Variants in HLA-DMB observed in about 807,000 individuals in gnomAD.
HLA-DMB encodes the protein major histocompatibility complex, class II, DM beta.
In HLA-DMB, 18 loss-of-function variants were observed where a neutral mutation model predicts 29.3. That is an observed-to-expected ratio of 0.62 (90% CI 0.43 to 0.91). The LOEUF (loss-of-function observed/expected upper bound fraction) is 0.91. Ranked by LOEUF, HLA-DMB falls within the 40% of genes least tolerant of loss-of-function variation. The probability of loss-of-function intolerance (pLI) is 0.00; values close to 1 mark genes in which losing one functional copy is unlikely to be tolerated. For synonymous variants in HLA-DMB, 143 were observed against 128.7 expected, an observed-to-expected ratio of 1.11 and a Z score of -0.75; for missense variants, 258 against 320.9, an observed-to-expected ratio of 0.80 and a Z score of 1.50.
intron 1 of HLA-DMB, among the ~76,000 whole-genome samples, chr6:32,940,542 T>G (rs917333128): frequency 2.0e-5 from 3 of 152,212 alleles, no homozygotes; most frequent in Non-Finnish European, 4.4e-5. Context: ...AGATGAACAT[T>G]GTCCTTGCCT....
rs192029404 is a variant in HLA-DMB, at chr6:32,936,482, T to C, written c.622+690A>G. On this transcript the variant is annotated intron_variant, in intron 3 of 5. Transcript: ENST00000418107. ...TTCCTCTTCCTCATTTCTTCCTCTT[T>C]CTTTTCCAAGAGTCCCCAAAGCTGT... 5.8e-3 allele frequency: 890 copies of C among 152,588 alleles called. 4 individuals carry two copies. Among genetic ancestry groups the C allele is most frequent in the South Asian group, 0.023 (112 of 4,830 alleles). 9.5% of individuals were successfully genotyped at this position (152,588 alleles called of 1,614,324 possible).
chr6:32,935,744 G>A (rs1318431937), intron 3 of HLA-DMB, 92 bp from the exon 4 acceptor site: 2 of 838,598 alleles, frequency 2.4e-6, no homozygotes, highest in Non-Finnish European at 4.0e-6. Flanking sequence ...TGGGTTAAAA[G>A]GTCCTTTATC....
At chr6:32,939,804 C>A (rs1776242107) in intron 1 of HLA-DMB, among the ~76,000 whole-genome samples, 1 of 152,026 alleles carries the variant, frequency 6.6e-6, no homozygotes, top group Non-Finnish European at 1.5e-5. Context: ...GTTCCATAAG[C>A]CACTTTAGCA....
intron 3 of HLA-DMB, 169 bp from the exon 4 acceptor site, chr6:32,935,821 C>T (rs1316877440): frequency 6.5e-6 from 4 of 613,838 alleles, no homozygotes; most frequent in Non-Finnish European, 1.2e-5. Context: ...ATCAAACCCT[C>T]GTCCCATGGA....
At position 32,940,519 on chromosome 6, in the gene HLA-DMB, G is replaced by A. The variant is rs185576515; in HGVS notation, c.55+234C>T. On this transcript the variant is annotated intron_variant, in intron 1 of 5. Transcript: ENST00000418107. ...AGGCACTGTGCTAGGAGCTGAGGAGGCAGCAATAAATAAGATGAACATTGT... is the reference window on the plus strand; with the variant it reads ...AGGCACTGTGCTAGGAGCTGAGGAGACAGCAATAAATAAGATGAACATTGT... Among the ~76,000 whole-genome samples the A allele has an allele frequency of 2.8e-4, 42 of 152,296 alleles. No individual in the cohort carries two copies. In the East Asian group the frequency reaches 8.1e-3, roughly 29 times the overall value.
intron 1 of HLA-DMB, among the ~76,000 whole-genome samples, chr6:32,939,990 T>C (rs1388990071): frequency 1.3e-5 from 2 of 149,354 alleles, no homozygotes; most frequent in Non-Finnish European, 3.0e-5. Context: ...AATGTCACAA[T>C]GGAATTGAAT....
At chr6:32,935,687 T>C in intron 3 of HLA-DMB, 35 bp from the exon 4 acceptor site, 1 of 1,495,760 alleles carries the variant, frequency 6.7e-7, no homozygotes, top group Non-Finnish European at 9.3e-7. Flanking sequence ...ACCCAGTTTC[T>C]GTTGCTCACC....
At chr6:32,938,278 T>G in intron 2 of HLA-DMB, 1 of 178,310 alleles carries the variant, frequency 5.6e-6, no homozygotes. Context: ...CTTCAAGCCA[T>G]TGTCAATGCA....
In HLA-DMB at chr6:32,937,040, T is replaced by G; in HGVS notation, c.622+132A>C. 1.5e-6 allele frequency: 1 copy of G among 669,506 alleles called. No homozygotes were observed. Among genetic ancestry groups the G allele is most frequent in the Non-Finnish European group, 2.4e-6 (1 of 412,846 alleles). 41.5% of individuals were successfully genotyped at this position (669,506 alleles called of 1,614,324 possible). A position where few individuals can be genotyped will look rare whatever the true frequency, so the allele number is the denominator to read the frequency against. On this transcript the variant is annotated intron_variant, in intron 3 of 5. Coordinates refer to ENST00000418107, the MANE Select transcript of HLA-DMB (RefSeq NM_002118.5). The surrounding 1 kb of genome is among the most constrained non-coding windows in gnomAD (Gnocchi z 4.1). ...TTATCCCATTTCCCCATTCTGGTCC[T>G]AAGCCCCCCGTAAGTTCCTCCAGAC... is the stretch of plus-strand genomic sequence containing the variant.
In HLA-DMB at chr6:32,940,933, A is replaced by G; in HGVS notation, c.-126T>C. The G allele has an allele frequency of 1.5e-6, 1 of 657,920 alleles. No individual in the cohort carries two copies. Among genetic ancestry groups the G allele is most frequent in the South Asian group, 1.9e-5 (1 of 52,388 alleles). The allele number at this position is 657,920 out of a possible 1,614,324, so 40.8% of individuals were successfully genotyped here. A position where few individuals can be genotyped will look rare whatever the true frequency, so the allele number is the denominator to read the frequency against. On this transcript the variant is annotated 5_prime_UTR_variant, in exon 1 of 6. Transcript: ENST00000418107. The stretch of plus-strand genomic sequence containing the variant: ...ATCTCCAGACACTGAGCAGAATACT[A>G]TATTGCCCGGGTCCCTTGACCCCCC...
intron 2 of HLA-DMB, chr6:32,938,376 T>C (rs1776130916): frequency 3.0e-6 from 1 of 338,076 alleles, no homozygotes; most frequent in South Asian, 1.5e-4. Context: ...ATCTGGAACA[T>C]CAAAATCTGG....
intron 3 of HLA-DMB, chr6:32,936,417 CT>C (rs1297433730): frequency 1.3e-5 from 2 of 152,454 alleles, no homozygotes; most frequent in African/African-American, 4.8e-5. Context: ...GTTACAGCAG[CT>C]GATCTGAGAT....
chr6:32,939,086 T>C, intron 1 of HLA-DMB, 121 bp from the exon 2 acceptor site: 1 of 663,904 alleles, frequency 1.5e-6, no homozygotes. Context: ...CAGACGTATA[T>C]TTAGGAGCTC....
chr6:32,940,259 A>C (rs563154584), intron 1 of HLA-DMB, among the ~76,000 whole-genome samples: 31 of 152,104 alleles, frequency 2.0e-4, no homozygotes, highest in Non-Finnish European at 4.1e-4. Flanking sequence ...CAGTAGAAGT[A>C]GTAGATAAGT....
Position 32,937,442 on chromosome 6 carries a change from G to A in HLA-DMB, c.352C>T (p.Gln118Ter), listed in dbSNP as rs764811408. 1 of 1,613,874 alleles carries A rather than the reference G, an allele frequency of 6.2e-7. No individual in the cohort carries two copies. Among genetic ancestry groups the A allele is most frequent in the Non-Finnish European group, 8.5e-7 (1 of 1,179,836 alleles). ...TTAAAAGGAGTGGTTTTGGCTACTTGCACAGATGGTGGCCCTGCATAGGAG... is the reference window on the plus strand; with the variant it reads ...TTAAAAGGAGTGGTTTTGGCTACTTACACAGATGGTGGCCCTGCATAGGAG... ...LTNRTRPPSV[Q>*]VAKTTPFNTR... is the part of the protein sequence containing the mutation. The change falls in exon 3 of 6, where the codon CAA becomes TAA. Residue 118 changes from glutamine to a stop codon, truncating the protein, a stop_gained. Transcript: ENST00000418107. LOFTEE classifies it high-confidence loss of function. This position sits in a 1 kb window ranked among gnomAD's most constrained non-coding sequence, Gnocchi z 4.1.
rs1775911517 is a variant in HLA-DMB at position 32,934,943 on chromosome 6, T to C, written c.*28A>G. On this transcript the variant is annotated 3_prime_UTR_variant, in exon 6 of 6. Coordinates refer to ENST00000418107, the MANE Select transcript of HLA-DMB (RefSeq NM_002118.5). ...CATTGAGTTTGAATCTCCTTCTCACTTGGAGTGGAAGTTGTAGGATTCTGC... is the reference window on the plus strand; with the variant it reads ...CATTGAGTTTGAATCTCCTTCTCACCTGGAGTGGAAGTTGTAGGATTCTGC... The C allele has an allele frequency of 6.2e-7, 1 of 1,609,298 alleles. No homozygotes were observed. The highest frequency in any genetic ancestry group is 2.2e-5 in the East Asian group (1 of 44,848).
chr6:32,934,918 CATT>C lies in HLA-DMB; in HGVS notation c.*50_*52del. ...AGATGTTGGAGAGGCATGGTAGCAT[CATT>C]GAGTTTGAATCTCCTTCTCACTTGG... On this transcript the variant is annotated 3_prime_UTR_variant, in exon 6 of 6. Coordinates refer to ENST00000418107, the MANE Select transcript of HLA-DMB (RefSeq NM_002118.5). 6.5e-7 allele frequency: 1 copy of C among 1,549,690 alleles called. No individual in the cohort carries two copies. Among genetic ancestry groups the C allele is most frequent in the Non-Finnish European group, 8.9e-7 (1 of 1,122,362 alleles).
Position 32,940,839 on chromosome 6 carries a change from T to G in HLA-DMB, c.-32A>C. 1.3e-6 allele frequency: 2 copies of G among 1,562,502 alleles called. No homozygotes were observed. Among genetic ancestry groups the G allele is most frequent in the South Asian group, 2.3e-5 (2 of 85,348 alleles). On this transcript the variant is annotated 5_prime_UTR_variant, in exon 1 of 6. Transcript: ENST00000418107. ...CTCTGTAAAGATGCCGGGAGTTCAG[T>G]CCCCTGGACCAGCTCTTCCAGGGTC...
chr6:32,938,641 A>G (rs756912572), intron 2 of HLA-DMB, 43 bp downstream of exon 2: 4 of 1,439,518 alleles, frequency 2.8e-6, no homozygotes, highest in Non-Finnish European at 3.7e-6. Flanking sequence ...CTGCCCTCCT[A>G]ACTGCACTTC....
Sources: allele counts gnomAD v4.1 joint callset (sites outside exome capture counted in the v4.1 genomes callset), GRCh38; gene constraint gnomAD v4.1.1; non-coding constraint Gnocchi (gnomAD v3.1); transcripts MANE v1.5; gene names NCBI Gene and HGNC (gene_info 2026-07-23, HGNC 2026-07-21).